The following PSMC1 variants were observed in gnomAD, a reference collection of about 807,000 sequenced individuals.
PSMC1 encodes the protein 26S proteasome regulatory subunit 4.
A neutral mutation model predicts 49.8 loss-of-function variants in PSMC1; 5 were observed. The observed-to-expected ratio is 0.10, with a 90% CI of 0.05 to 0.21. PSMC1 has a LOEUF of 0.21. PSMC1 is among the 10% of genes least tolerant of loss of function. The pLI, the probability that PSMC1 is intolerant of heterozygous loss-of-function variation, is 1.00. For synonymous variants in PSMC1, 155 were observed against 192.1 expected, an observed-to-expected ratio of 0.81 and a Z score of 1.60; for missense variants, 181 against 535.7, an observed-to-expected ratio of 0.34 and a Z score of 6.54.
chr14:90,270,122 T>A, intron 9 of PSMC1, 76 bp from the exon 10 acceptor site: 1 of 1,497,624 alleles, frequency 6.7e-7, no homozygotes. Flanking sequence ...TGTAAGGAGA[T>A]GGGCTGAGGC....
chr14:90,263,925 A>C, intron 5 of PSMC1, 78 bp downstream of exon 5: 1 of 1,590,714 alleles, frequency 6.3e-7, no homozygotes, highest in Non-Finnish European at 8.6e-7. Context: ...TGTCCCGTGG[A>C]AGTAGATCAC....
At chr14:90,262,119 G>C (rs1378228816) in intron 3 of PSMC1, among the ~76,000 whole-genome samples, 2 of 137,124 alleles carry the variant, frequency 1.5e-5, no homozygotes, top group African/African-American at 5.5e-5. Context: ...TGGACACAGG[G>C]TGGGGAACAT....
chr14:90,266,600 G>A (rs1187952991), intron 7 of PSMC1, among the ~76,000 whole-genome samples: 4 of 152,332 alleles, frequency 2.6e-5, no homozygotes, highest in Admixed American at 6.5e-5. Flanking sequence ...ACCCACAGCT[G>A]CAGGCCCCCT....
intron 1 of PSMC1, among the ~76,000 whole-genome samples, chr14:90,258,025 A>G (rs1891328925): frequency 6.6e-6 from 1 of 152,228 alleles, no homozygotes; most frequent in African/African-American, 2.4e-5. Flanking sequence ...AAGAAATGGA[A>G]ACACAGTAAG....
intron 10 of PSMC1, chr14:90,271,676 G>A (rs1891667816): frequency 6.6e-6 from 1 of 152,054 alleles, no homozygotes. Context: ...CAAAAGTGGT[G>A]TTGTACAAGC....
intron 8 of PSMC1, chr14:90,269,142 A>G: frequency 2.2e-6 from 1 of 448,876 alleles, no homozygotes. Context: ...TCATGCCTTT[A>G]GCCCTTTCCA....
chr14:90,272,216 C>A lies in PSMC1; in HGVS notation c.1189-57C>A. ...GCCTCAGAATAGGTTTTTTGGAATTCCTTGTTAGAATAAAAATGAGTATGT... is the reference window on the plus strand; with the variant it reads ...GCCTCAGAATAGGTTTTTTGGAATTACTTGTTAGAATAAAAATGAGTATGT... On this transcript the variant is annotated intron_variant, in intron 10 of 10. Transcript: ENST00000261303. The surrounding 1 kb of genome is among the most constrained non-coding windows in gnomAD (Gnocchi z 4.5). 6.3e-7 allele frequency: 1 copy of A among 1,585,772 alleles called. No individual in the cohort carries two copies. The highest frequency in any genetic ancestry group is 1.2e-5 in the South Asian group (1 of 86,420).
At chr14:90,266,730 C>G (rs28629799) in intron 7 of PSMC1, among the ~76,000 whole-genome samples, 5,635 of 152,326 alleles carry the variant, frequency 0.037, 329 homozygotes, top group African/African-American at 0.13. Context: ...AAGCAGCCCA[C>G]TGGCTAGACT....
chr14:90,263,633 C>CT, intron 4 of PSMC1, 29 bp from the exon 5 acceptor site: 1 of 1,609,724 alleles, frequency 6.2e-7, no homozygotes, highest in Non-Finnish European at 8.5e-7. Flanking sequence ...GTCTAGTCTG[C>CT]TTTTTTCCCT....
In PSMC1 at chr14:90,268,447, G is replaced by T. The variant is rs754204663; in HGVS notation, c.881+34G>T. The T allele has an allele frequency of 1.9e-6, 3 of 1,600,330 alleles. No individual in the cohort carries two copies. The South Asian group carries it at 3.3e-5, about 18-fold the overall frequency. On this transcript the variant is annotated intron_variant, in intron 8 of 10. Transcript: ENST00000261303. ...TCTCATACTTATTTTGCCTTGTTTA[G>T]TAGGGAACACCGCATAGCTCTTCTC... is the stretch of plus-strand genomic sequence containing the variant.
At chr14:90,266,290 G>C (rs2139647996) in intron 7 of PSMC1, among the ~76,000 whole-genome samples, 1 of 152,164 alleles carries the variant, frequency 6.6e-6, no homozygotes, top group African/African-American at 2.4e-5. Flanking sequence ...CTATTCTGCA[G>C]TATCAGATTC....
chr14:90,256,943 C>G (rs954243845), intron 1 of PSMC1, among the ~76,000 whole-genome samples: 1 of 152,098 alleles, frequency 6.6e-6, no homozygotes, highest in Non-Finnish European at 1.5e-5. Context: ...TTCGGGGGCG[C>G]CTCCTCGAGT....
chr14:90,269,753 A>G, intron 9 of PSMC1: 1 of 475,448 alleles, frequency 2.1e-6, no homozygotes, highest in Non-Finnish European at 3.6e-6. Flanking sequence ...TTTGAATTCC[A>G]GTCTTATGTC....
chr14:90,258,844 C>G (rs916094591), intron 1 of PSMC1, among the ~76,000 whole-genome samples: 7 of 152,180 alleles, frequency 4.6e-5, no homozygotes, highest in African/African-American at 1.4e-4. Context: ...ATTTTCCCCT[C>G]AAGAGGGGGG....
Position 90,261,669 on chromosome 14 carries a change from T to C in PSMC1, c.154+1458T>C, listed in dbSNP as rs1891400449. Among the ~76,000 whole-genome samples, 4 of 152,250 alleles carry C rather than the reference T, an allele frequency of 2.6e-5. No homozygotes were observed. The South Asian group carries it at 8.3e-4, about 32-fold the overall frequency. ...AGGAAACAACAGGTGCTGGAGAGGA[T>C]GTGGAGAAATAGGAACACTTTTACA... On this transcript the variant is annotated intron_variant, in intron 3 of 10. Transcript: ENST00000261303.
chr14:90,256,697 G>C lies in PSMC1; in HGVS notation c.3+97G>C, dbSNP rs928244044. On this transcript the variant is annotated intron_variant, in intron 1 of 10. Coordinates refer to ENST00000261303, the MANE Select transcript of PSMC1 (RefSeq NM_002802.3). ...AAGAGGCGGCTGCCCGAGGAACTGG[G>C]ACAGCCCTCTTCTCCTTTTGCCGGC... 3.8e-5 allele frequency: 58 copies of C among 1,525,106 alleles called. No homozygotes were observed. In the Admixed American group the frequency reaches 1.1e-3, roughly 29 times the overall value. 94.5% of individuals were successfully genotyped at this position (1,525,106 alleles called of 1,614,324 possible).
At chr14:90,266,011 T>C (rs1253691818) in intron 7 of PSMC1, among the ~76,000 whole-genome samples, 1 of 152,156 alleles carries the variant, frequency 6.6e-6, no homozygotes, top group Non-Finnish European at 1.5e-5. Context: ...ATCCTAGCAC[T>C]GTGAGAGGTC....
chr14:90,269,648 A>G (rs1891610568), intron 9 of PSMC1, 100 bp downstream of exon 9: 1 of 1,318,892 alleles, frequency 7.6e-7, no homozygotes, highest in Non-Finnish European at 1.0e-6. Flanking sequence ...AAAAAAGCAA[A>G]TACTGCAGTG....
intron 10 of PSMC1, chr14:90,271,015 G>A (rs2139652642): frequency 6.6e-6 from 1 of 151,966 alleles, no homozygotes; most frequent in Non-Finnish European, 1.5e-5. Flanking sequence ...GTCTCTGTTG[G>A]CAAGTAAAAT....
Sources: allele counts gnomAD v4.1 joint callset (sites outside exome capture counted in the v4.1 genomes callset), GRCh38; gene constraint gnomAD v4.1.1; non-coding constraint Gnocchi (gnomAD v3.1); transcripts MANE v1.5; gene names NCBI Gene and HGNC (gene_info 2026-07-23, HGNC 2026-07-21).